The following COL27A1 variants were observed in gnomAD, a reference collection of about 807,000 sequenced individuals.
The protein encoded by COL27A1 is collagen alpha-1(XXVII) chain.
In COL27A1, 106 loss-of-function variants were observed where a neutral mutation model predicts 251.3. The ratio of observed to expected loss-of-function variants is 0.42; its 90% CI spans 0.36 to 0.50. The LOEUF is 0.50. COL27A1 is among the 20% of genes least tolerant of loss of function. The pLI is 0.00. For synonymous variants in COL27A1, 1,000 were observed against 986.3 expected, an observed-to-expected ratio of 1.01 and a Z score of -0.26; for missense variants, 2,325 against 2,522.8, an observed-to-expected ratio of 0.92 and a Z score of 1.68.
intron 5 of COL27A1, among the ~76,000 whole-genome samples, chr9:114,185,984 G>A (rs1057361001): frequency 3.3e-5 from 5 of 152,216 alleles, no homozygotes; most frequent in African/African-American, 7.2e-5. Context: ...TCATCCCTCC[G>A]GAGGGTGCAG....
chr9:114,219,683 G>T, intron 12 of COL27A1, 108 bp from the exon 13 acceptor site: 1 of 781,028 alleles, frequency 1.3e-6, no homozygotes. Flanking sequence ...CAAGGAGTGA[G>T]ACTGCTTGGA....
Position 114,242,197 on chromosome 9 carries a change from G to T in COL27A1, c.2846G>T (p.Gly949Val). Residue 949 changes from glycine to valine, a missense_variant, in exon 22 of 61, where the codon GGA becomes GTA. Physicochemically the swap from Gly to Val is moderately radical, Grantham distance 109 (BLOSUM62 -3). Around this residue, in one of 4 missense-constraint regions of COL27A1, gnomAD observed 662 missense variants for 795.3 expected, o/e 0.83. Coordinates refer to ENST00000356083, the MANE Select transcript of COL27A1 (RefSeq NM_032888.4). ...GTCTCCCAATTCTAGGGAGATGAGGGACCCATGGGGCCGCCAGGGGCCCCT... is the reference window on the plus strand; with the variant it reads ...GTCTCCCAATTCTAGGGAGATGAGGTACCCATGGGGCCGCCAGGGGCCCCT... Reference protein sequence around the residue: ...RGQLGPEGDEGPMGPPGAPGL... With the variant: ...RGQLGPEGDEVPMGPPGAPGL... 2 of 1,607,434 alleles carry T rather than the reference G, an allele frequency of 1.2e-6. No individual in the cohort carries two copies. Among genetic ancestry groups the T allele is most frequent in the South Asian group, 1.1e-5 (1 of 90,046 alleles).
At position 114,265,046 on chromosome 9, in the gene COL27A1, AC is replaced by A; in HGVS notation, c.3295-15del. 6.2e-7 allele frequency: 1 copy of A among 1,610,860 alleles called. No homozygotes were observed. The highest frequency in any genetic ancestry group is 2.2e-5 in the East Asian group (1 of 44,700). ...TGCTTTGTGATCTGAGCCTGTAATG[AC>A]CCCCACATGTGCTTCCAGGGTGTGG... On this transcript the variant is annotated intron_variant, in intron 30 of 60. Coordinates refer to ENST00000356083, the MANE Select transcript of COL27A1 (RefSeq NM_032888.4).
At position 114,209,364 on chromosome 9, in the gene COL27A1, C is replaced by T. The variant is rs112404938; in HGVS notation, c.2269-311C>T. The T allele has an allele frequency of 1.5e-3, 971 of 656,552 alleles. 3 individuals are homozygous for T. The highest frequency in any genetic ancestry group is 2.0e-3 in the Non-Finnish European group (672 of 342,330). The allele number at this position is 656,552 out of a possible 1,614,324, so 40.7% of individuals were successfully genotyped here. A position where few individuals can be genotyped will look rare whatever the true frequency, so the allele number is the denominator to read the frequency against. On this transcript the variant is annotated intron_variant, in intron 10 of 60. Transcript: ENST00000356083. ...GCCGTGCTAGCATCTAACCCAGCCG[C>T]GAGCTTCCTTCTGCAGGTCCTGGAG...
chr9:114,241,170 G>A (rs1319404091), intron 21 of COL27A1, among the ~76,000 whole-genome samples: 2 of 152,248 alleles, frequency 1.3e-5, no homozygotes, highest in African/African-American at 2.4e-5. Context: ...GCACTTAATG[G>A]GTGGGCCCCT....
chr9:114,288,377 C>T (rs759146672), intron 41 of COL27A1, 78 bp from the exon 42 acceptor site: 151 of 1,455,328 alleles, frequency 1.0e-4, no homozygotes, highest in African/African-American at 2.6e-4. Context: ...TCATCTCTGA[C>T]GAAGCGCTTT....
At position 114,267,540 on chromosome 9, in the gene COL27A1, G is replaced by A; in HGVS notation, c.3484G>A (p.Gly1162Arg). ...PGAVGEPGLP[G>R]EAGMKGDLGP... ...TGCAGTGGGAGAACCGGGCCTTCCT[G>A]GGGAAGCCGGGATGAAGGTGAGGTG... Residue 1162 changes from glycine (G) to arginine (R), a missense_variant, in exon 34 of 61, where the codon GGG becomes AGG. Gly to Arg is a moderately radical substitution (Grantham distance 125, BLOSUM62 -2). Around this residue, in one of 4 missense-constraint regions of COL27A1, gnomAD observed 662 missense variants for 795.3 expected, o/e 0.83. Transcript: ENST00000356083. 4.4e-6 allele frequency: 7 copies of A among 1,591,342 alleles called. No homozygotes were observed. The highest frequency in any genetic ancestry group is 5.1e-6 in the Non-Finnish European group (6 of 1,172,166).
intron 8 of COL27A1, 119 bp downstream of exon 8, chr9:114,205,265 C>A: frequency 1.1e-6 from 1 of 893,922 alleles, no homozygotes; most frequent in Non-Finnish European, 1.7e-6. Context: ...GGCTGTTTTG[C>A]CTCTCACCCT....
chr9:114,265,591 C>T, intron 32 of COL27A1, 116 bp downstream of exon 32: 1 of 1,006,976 alleles, frequency 9.9e-7, no homozygotes, highest in Non-Finnish European at 1.5e-6. Context: ...CTCTAACCCG[C>T]TGTGGGCCAG....
intron 6 of COL27A1, among the ~76,000 whole-genome samples, chr9:114,195,376 A>AC (rs397950374): frequency 1.6e-4 from 2 of 12,844 alleles, no homozygotes; most frequent in African/African-American, 3.3e-4. Flanking sequence ...CCCCCATCAT[A>AC]CCCCATGAGC....
chr9:114,290,217 C>T lies in COL27A1; in HGVS notation c.4261-7C>T, dbSNP rs372705586. 2.9e-5 allele frequency: 46 copies of T among 1,573,694 alleles called. No homozygotes were observed. The highest frequency in any genetic ancestry group is 4.0e-5 in the Non-Finnish European group (46 of 1,159,192). On this transcript the variant is annotated splice_polypyrimidine_tract_variant and splice_region_variant and intron_variant, in intron 46 of 60. Coordinates refer to ENST00000356083, the MANE Select transcript of COL27A1 (RefSeq NM_032888.4). This position sits in a 1 kb window ranked among gnomAD's most constrained non-coding sequence, Gnocchi z 4.6. ...ATGCCCTCACCAGCTTTTTATGTAC[C>T]CCCCAGGGCCTGCAGGGGCTGCCAG...
intron 25 of COL27A1, among the ~76,000 whole-genome samples, chr9:114,252,153 T>C (rs1292033107): frequency 6.6e-6 from 1 of 152,212 alleles, no homozygotes; most frequent in East Asian, 1.9e-4. Context: ...TGTCTCTGAT[T>C]CTCTAGCATC....
At chr9:114,218,767 C>A (rs549569274) in intron 12 of COL27A1, among the ~76,000 whole-genome samples, 3 of 151,976 alleles carry the variant, frequency 2.0e-5, no homozygotes, top group Admixed American at 2.0e-4. Flanking sequence ...TTCAAGGTGT[C>A]TTTGCCTAAC....
Position 114,290,238 on chromosome 9 carries a change from G to A in COL27A1, c.4275G>A (p.Leu1425=). ...GTACCCCCCAGGGCCTGCAGGGGCT[G>A]CCAGGGCCCCGGGGCGTGGTGGGGA... The part of the protein sequence containing the change: ...GRRGVQGLQG[L]PGPRGVVGRQ... The change falls in exon 47 of 61, where the codon CTG becomes CTA. Residue 1425 remains leucine, a synonymous_variant. Coordinates refer to ENST00000356083, the MANE Select transcript of COL27A1 (RefSeq NM_032888.4). This position sits in a 1 kb window ranked among gnomAD's most constrained non-coding sequence, Gnocchi z 4.6. 6.4e-7 allele frequency: 1 copy of A among 1,572,120 alleles called. No individual in the cohort carries two copies. The highest frequency in any genetic ancestry group is 1.2e-5 in the South Asian group (1 of 86,318).
chr9:114,251,584 T>C (rs1833550651), intron 25 of COL27A1, among the ~76,000 whole-genome samples: 1 of 152,236 alleles, frequency 6.6e-6, no homozygotes, highest in Admixed American at 6.5e-5. Flanking sequence ...CTTCCAGTGG[T>C]AGCATCTTAC....
chr9:114,233,457 G>C (rs1490845956), intron 16 of COL27A1, among the ~76,000 whole-genome samples: 1 of 151,012 alleles, frequency 6.6e-6, no homozygotes, highest in Admixed American at 6.6e-5. Context: ...TTGCCCTGCT[G>C]TCTGCTACAC....
chr9:114,244,444 C>A (rs1162875246), intron 23 of COL27A1, among the ~76,000 whole-genome samples: 1 of 152,210 alleles, frequency 6.6e-6, no homozygotes, highest in Non-Finnish European at 1.5e-5. Context: ...TGGTCCTCAG[C>A]CCATGGGCAG....
rs1828738040 is a variant in COL27A1 at position 114,191,413 on chromosome 9, C to CT, written c.2017-2990dup. 2.6e-5 allele frequency among the ~76,000 whole-genome samples: 4 copies of CT among 152,124 alleles called. No individual in the cohort carries two copies. The South Asian group carries it at 8.3e-4, about 32-fold the overall frequency. On this transcript the variant is annotated intron_variant, in intron 5 of 60. Coordinates refer to ENST00000356083, the MANE Select transcript of COL27A1 (RefSeq NM_032888.4). The stretch of plus-strand genomic sequence containing the variant: ...TTAACTAATTTTCCTAATGCTCTCC[C>CT]TACCCCTACTCCCCTGCCACCGACA...
At chr9:114,154,592 A>T (rs1278262988), upstream of COL27A1, among the ~76,000 whole-genome samples, 1 of 152,082 alleles carries the variant, frequency 6.6e-6, no homozygotes, top group Non-Finnish European at 1.5e-5. This position sits in a 1 kb window ranked among gnomAD's most constrained non-coding sequence, Gnocchi z 5.8. Context: ...TGGCCAGGAT[A>T]GCGTGCATTT....
Sources: allele counts gnomAD v4.1 joint callset (sites outside exome capture counted in the v4.1 genomes callset), GRCh38; gene constraint gnomAD v4.1.1; regional missense constraint gnomAD v4.1.1; non-coding constraint Gnocchi (gnomAD v3.1); transcripts MANE v1.5; gene names NCBI Gene and HGNC (gene_info 2026-07-23, HGNC 2026-07-21).